RASGRF1: variants seen among roughly 807,000 people sequenced by gnomAD.
RASGRF1 encodes Ras protein specific guanine nucleotide releasing factor 1.
RASGRF1 carries 40 observed loss-of-function variants against 138.7 expected under a neutral mutation model. That is an observed-to-expected ratio of 0.29 (90% confidence interval 0.22 to 0.38). RASGRF1 has a LOEUF of 0.38. Ranked by LOEUF, RASGRF1 falls within the 10% of genes least tolerant of loss-of-function variation. The pLI is 1.00. For missense variants in RASGRF1, 1,108 were observed against 1,650.4 expected (o/e 0.67, Z 5.69); for synonymous variants, 614 against 663.2 (o/e 0.93, Z 1.14).
At chr15:79,081,578 C>A (rs1566972059) in intron 1 of RASGRF1, among the ~76,000 whole-genome samples, 1 of 152,146 alleles carries the variant, frequency 6.6e-6, no homozygotes, top group Non-Finnish European at 1.5e-5. Context: ...AACCTATATG[C>A]CCCTAATCAC....
intron 22 of RASGRF1, among the ~76,000 whole-genome samples, chr15:78,988,715 A>C (rs545349778): frequency 6.6e-6 from 1 of 152,250 alleles, no homozygotes; most frequent in South Asian, 2.1e-4. Flanking sequence ...TTGATGATTA[A>C]ACTCAGAAGA....
intron 4 of RASGRF1, among the ~76,000 whole-genome samples, chr15:79,049,018 A>G (rs1175571763): frequency 6.6e-6 from 1 of 152,200 alleles, no homozygotes; most frequent in Non-Finnish European, 1.5e-5. Flanking sequence ...CTAATAGGGT[A>G]AAAGCAGTGA....
chr15:79,068,025 G>A (rs2057702302), intron 1 of RASGRF1, among the ~76,000 whole-genome samples: 1 of 152,036 alleles, frequency 6.6e-6, no homozygotes, highest in South Asian at 2.1e-4. Context: ...CCAGTGGTGT[G>A]GGGAAAAAAA....
At chr15:78,975,675 G>A (rs11858390) in intron 24 of RASGRF1, among the ~76,000 whole-genome samples, 7,664 of 151,938 alleles carry the variant, frequency 0.05, 606 homozygotes, top group African/African-American at 0.17. Flanking sequence ...CATACCCAGC[G>A]AATTTTTGTA....
chr15:79,007,262 G>A (rs892022062), intron 13 of RASGRF1, among the ~76,000 whole-genome samples: 6 of 152,168 alleles, frequency 3.9e-5, no homozygotes, highest in Non-Finnish European at 5.9e-5. Context: ...GCCTCTACAG[G>A]GCATAGTGGG....
intron 26 of RASGRF1, among the ~76,000 whole-genome samples, chr15:78,964,180 A>AT (rs200489608): frequency 0.076 from 11,146 of 146,814 alleles, 553 homozygotes; most frequent in Middle Eastern, 0.14. Context: ...TTATTTATTT[A>AT]TTTTTTTTTT....
At chr15:79,067,181 C>G (rs1209875633) in intron 1 of RASGRF1, among the ~76,000 whole-genome samples, 3 of 152,188 alleles carry the variant, frequency 2.0e-5, no homozygotes, top group African/African-American at 7.2e-5. Context: ...AGAAGCTTCC[C>G]TGTGAGGCAT....
At position 78,962,102 on chromosome 15, in the gene RASGRF1, C is replaced by T. The variant is rs754634477; in HGVS notation, c.*42G>A. On this transcript the variant is annotated 3_prime_UTR_variant, in exon 27 of 27. Transcript: ENST00000558480. ...AACGAATATGTACAGTATCATCTAG[C>T]ACATGTCCCCGGGAGCAGCTGGGTC... 11 of 1,248,552 alleles carry T rather than the reference C, an allele frequency of 8.8e-6. No homozygotes were observed. The African/African-American group carries it at 1.5e-4, about 17-fold the overall frequency. 77.3% of individuals were successfully genotyped at this position (1,248,552 alleles called of 1,614,324 possible). A position where few individuals can be genotyped will look rare whatever the true frequency, so the allele number is the denominator to read the frequency against.
intron 1 of RASGRF1, among the ~76,000 whole-genome samples, chr15:79,089,999 C>T (rs2058032566): frequency 6.6e-6 from 1 of 152,214 alleles, no homozygotes; most frequent in Admixed American, 6.5e-5. Context: ...GAAGGGCAGC[C>T]GCAGCCCACA....
intron 20 of RASGRF1, among the ~76,000 whole-genome samples, chr15:78,993,681 G>T (rs1378202941): frequency 1.3e-5 from 2 of 152,148 alleles, no homozygotes; most frequent in African/African-American, 2.4e-5. Flanking sequence ...TGAGGGTCCT[G>T]CCTGGTGCCC....
rs190155214 is a variant in RASGRF1, at chr15:78,986,683, A to G, written c.3217-1479T>C. On this transcript the variant is annotated intron_variant, in intron 22 of 26. Coordinates refer to ENST00000558480, the MANE Select transcript of RASGRF1 (RefSeq NM_001145648.3). ...TTAATTATTTTAAAATAAAAAGTTA[A>G]AAAAAAGACTACTACTTTAAAAAAG... Among the ~76,000 whole-genome samples the G allele has an allele frequency of 1.9e-4, 29 of 152,174 alleles. No homozygotes were observed. In the East Asian group the frequency reaches 4.4e-3, roughly 23 times the overall value.
At chr15:79,072,293 T>TTC (rs2057770516) in intron 1 of RASGRF1, among the ~76,000 whole-genome samples, 1 of 138,250 alleles carries the variant, frequency 7.2e-6, no homozygotes, top group Non-Finnish European at 1.5e-5. Context: ...TTTTTTTTTT[T>TTC]GAGACGCAGT....
At chr15:78,994,687 G>A (rs1488401301) in intron 20 of RASGRF1, among the ~76,000 whole-genome samples, 2 of 152,164 alleles carry the variant, frequency 1.3e-5, no homozygotes, top group African/African-American at 4.8e-5. Flanking sequence ...TATTCCGTCT[G>A]GAATGCCACT....
At position 79,090,507 on chromosome 15, in the gene RASGRF1, G is replaced by A. The variant is rs1371277030; in HGVS notation, c.-9C>T. ...CGGATCCCCTTCTGCATGGTGCTCA[G>A]AGGCCAGCGAGACCCCACGCGCTTA... On this transcript the variant is annotated 5_prime_UTR_variant, in exon 1 of 27. Coordinates refer to ENST00000558480, the MANE Select transcript of RASGRF1 (RefSeq NM_001145648.3). 5 of 1,608,200 alleles carry A rather than the reference G, an allele frequency of 3.1e-6. No homozygotes were observed. The highest frequency in any genetic ancestry group is 4.2e-6 in the Non-Finnish European group (5 of 1,178,258).
At chr15:78,998,261 C>G (rs2056439569) in intron 18 of RASGRF1, 53 bp from the exon 19 acceptor site, 3 of 1,455,580 alleles carry the variant, frequency 2.1e-6, no homozygotes, top group Admixed American at 1.7e-5. Context: ...AGCTGCTCTG[C>G]AGTGGTCTGG....
chr15:78,990,180 C>T lies in RASGRF1; in HGVS notation c.3216+9G>A. 6.4e-7 allele frequency: 1 copy of T among 1,573,526 alleles called. No individual in the cohort carries two copies. The highest frequency in any genetic ancestry group is 8.7e-7 in the Non-Finnish European group (1 of 1,143,060). The stretch of plus-strand genomic sequence containing the variant: ...CCCCAGTGAGAGAGGCGCTCCCATC[C>T]ATACTCACGTCATTGAAGTGCTTAG... On this transcript the variant is annotated intron_variant, in intron 22 of 26. Coordinates refer to ENST00000558480, the MANE Select transcript of RASGRF1 (RefSeq NM_001145648.3).
At chr15:79,067,145 G>C (rs28493896) in intron 1 of RASGRF1, among the ~76,000 whole-genome samples, 6,280 of 152,218 alleles carry the variant, frequency 0.041, 468 homozygotes, top group African/African-American at 0.14. Flanking sequence ...TTTATGGAGG[G>C]GTGGCCTTCG....
chr15:78,969,692 G>T (rs1214708250), intron 26 of RASGRF1, among the ~76,000 whole-genome samples: 5 of 151,944 alleles, frequency 3.3e-5, no homozygotes, highest in African/African-American at 9.7e-5. Flanking sequence ...GAAAAGAAAA[G>T]AAAATTCTAG....
intron 5 of RASGRF1, among the ~76,000 whole-genome samples, chr15:79,043,892 T>C (rs1289916595): frequency 6.6e-6 from 1 of 152,228 alleles, no homozygotes; most frequent in East Asian, 1.9e-4. Context: ...GACAAAGGGT[T>C]ACTCTTCTGA....
Sources: allele counts gnomAD v4.1 joint callset (sites outside exome capture counted in the v4.1 genomes callset), GRCh38; gene constraint gnomAD v4.1.1; transcripts MANE v1.5; gene names NCBI Gene and HGNC (gene_info 2026-07-23, HGNC 2026-07-21).